The following RPS27A variants were observed in gnomAD, a reference collection of about 807,000 sequenced individuals.
RPS27A encodes the protein ribosomal protein S27a, also known as ubiquitin-ribosomal protein eS31 fusion protein.
In RPS27A, 1 loss-of-function variant was observed where a neutral mutation model predicts 18.9. The ratio of observed to expected loss-of-function variants is 0.05; its 90% CI spans 0.02 to 0.25. The LOEUF is 0.25. Among genes scored for constraint, RPS27A ranks in the 10% least tolerant of loss-of-function variants. The pLI, the probability that RPS27A is intolerant of heterozygous loss-of-function variation, is 1.00. For synonymous variants in RPS27A, 77 were observed against 63.7 expected (o/e 1.21, Z -0.99); for missense variants, 123 against 187.4 (o/e 0.66, Z 2.01).
chr2:55,232,534 A>G (rs115477709), upstream of RPS27A: 1,406 of 523,494 alleles, frequency 2.7e-3, 22 homozygotes, highest in African/African-American at 0.025. Flanking sequence ...AAATAAGCCC[A>G]GGCTAGGGAG....
chr2:55,235,744 T>A lies in RPS27A; in HGVS notation c.*167T>A, dbSNP rs1675759908. On this transcript the variant is annotated 3_prime_UTR_variant, in exon 6 of 6. Coordinates refer to ENST00000272317, the MANE Select transcript of RPS27A (RefSeq NM_002954.6). ...TCTGGGGATTATGTGACCCAGTGGT[T>A]CTGTATACCTGCCAGGTGCCAACCA... The A allele has an allele frequency of 1.3e-6, 1 of 762,706 alleles. No homozygotes were observed. The highest frequency in any genetic ancestry group is 2.2e-6 in the Non-Finnish European group (1 of 458,764). The allele number at this position is 762,706 out of a possible 1,614,324, so 47.2% of individuals were successfully genotyped here. A position where few individuals can be genotyped will look rare whatever the true frequency, so the allele number is the denominator to read the frequency against.
chr2:55,232,895 G>A (rs1224169955), intron 2 of RPS27A, 23 bp downstream of exon 2: 2 of 1,603,696 alleles, frequency 1.2e-6, no homozygotes, highest in Non-Finnish European at 1.7e-6. Context: ...TGGTCATGAG[G>A]AAGCCAAGGT....
rs1361988829 is a variant in RPS27A at position 55,234,957 on chromosome 2, T to C, written c.316T>C (p.Tyr106His). The C allele has an allele frequency of 6.2e-7, 1 of 1,613,092 alleles. No homozygotes were observed. The highest frequency in any genetic ancestry group is 2.2e-5 in the East Asian group (1 of 44,846). Residue 106 changes from tyrosine (Y) to histidine (H), a missense_variant, in exon 5 of 6, where the codon TAT becomes CAT. Physicochemically the swap from Tyr to His is moderately conservative, Grantham distance 83. Coordinates refer to ENST00000272317, the MANE Select transcript of RPS27A (RefSeq NM_002954.6). ...GGTTAAGCTGGCTGTCCTGAAATAT[T>C]ATAAGGTGAGCCAGTTAAAGGGCAG... The part of the protein sequence containing the change: ...KKVKLAVLKY[Y>H]KVDENGKISR...
At chr2:55,233,627 CACTT>C in intron 3 of RPS27A, 1 of 583,926 alleles carries the variant, frequency 1.7e-6, no homozygotes, top group Non-Finnish European at 3.1e-6. Context: ...TGAATTTGGA[CACTT>C]ATTTATTTAT....
intron 1 of RPS27A, 47 bp from the exon 2 acceptor site, chr2:55,232,761 C>G (rs1675536437): frequency 6.8e-7 from 1 of 1,475,882 alleles, no homozygotes; most frequent in Admixed American, 1.8e-5. Flanking sequence ...GGTGCCTTCT[C>G]TTGTGATCCC....
Position 55,235,656 on chromosome 2 carries a change from C to A in RPS27A, c.*79C>A. On this transcript the variant is annotated 3_prime_UTR_variant, in exon 6 of 6. Coordinates refer to ENST00000272317, the MANE Select transcript of RPS27A (RefSeq NM_002954.6). ...AGTAAAAAGAATGGTTTTTAAGCAC[C>A]AAATTGATGGTCACACCATTTCCTT... 1.4e-6 allele frequency: 2 copies of A among 1,465,440 alleles called. No homozygotes were observed. The highest frequency in any genetic ancestry group is 1.1e-5 in the South Asian group (1 of 88,002). 90.8% of individuals were successfully genotyped at this position (1,465,440 alleles called of 1,614,324 possible).
At chr2:55,232,647 G>T (rs1045247888), upstream of RPS27A, 22 of 691,642 alleles carry the variant, frequency 3.2e-5, no homozygotes, top group Non-Finnish European at 5.8e-5. Flanking sequence ...GTCCTTCGGC[G>T]GGAGCTCCGG....
At chr2:55,234,326 AC>A (rs1675683578) in intron 4 of RPS27A, 122 bp downstream of exon 4, 1 of 735,494 alleles carries the variant, frequency 1.4e-6, no homozygotes, top group Admixed American at 2.1e-5. Context: ...TGGCGCAGTC[AC>A]TGCAACCTCC....
At position 55,235,837 on chromosome 2, in the gene RPS27A, A is replaced by T. The variant is rs1675765398; in HGVS notation, c.*260A>T. The T allele has an allele frequency of 2.0e-6, 1 of 504,968 alleles. No homozygotes were observed. Among genetic ancestry groups the T allele is most frequent in the Non-Finnish European group, 3.6e-6 (1 of 278,534 alleles). 31.3% of individuals were successfully genotyped at this position (504,968 alleles called of 1,614,324 possible). A position where few individuals can be genotyped will look rare whatever the true frequency, so the allele number is the denominator to read the frequency against. Reference sequence around the variant, plus strand: ...CTTTGGCAGAAGTTATATTTAATGTAAGTTGTCTAAATATAAGCCAGTTTG... The same window carrying T: ...CTTTGGCAGAAGTTATATTTAATGTTAGTTGTCTAAATATAAGCCAGTTTG... On this transcript the variant is annotated 3_prime_UTR_variant, in exon 6 of 6. Coordinates refer to ENST00000272317, the MANE Select transcript of RPS27A (RefSeq NM_002954.6).
intron 3 of RPS27A, 154 bp downstream of exon 3, chr2:55,233,571 G>C: frequency 1.5e-6 from 1 of 684,546 alleles, no homozygotes; most frequent in Non-Finnish European, 2.7e-6. Context: ...GGTGATCGGG[G>C]AGCACAGTAC....
Position 55,234,911 on chromosome 2 carries a change from G to T in RPS27A, c.270G>T (p.Lys90Asn). 6.2e-7 allele frequency: 1 copy of T among 1,613,332 alleles called. No individual in the cohort carries two copies. Among genetic ancestry groups the T allele is most frequent in the East Asian group, 2.2e-5 (1 of 44,858 alleles). The stretch of plus-strand genomic sequence containing the variant: ...AGAAGTCTTACACCACTCCCAAGAA[G>T]AATAAGCACAAGAGAAAGAAGGTTA... ...RKKKSYTTPK[K>N]NKHKRKKVKL... The change falls in exon 5 of 6, where the codon AAG becomes AAT. Residue 90 changes from lysine (K) to asparagine (N), a missense_variant. Transcript: ENST00000272317.
chr2:55,234,260 TTTTA>T, intron 4 of RPS27A, 56 bp downstream of exon 4: 2 of 1,340,716 alleles, frequency 1.5e-6, no homozygotes, highest in Non-Finnish European at 2.1e-6. Flanking sequence ...TTTGGAAATT[TTTTA>T]TTTTACTTTT....
chr2:55,233,923 G>C (rs1675650546), intron 3 of RPS27A, 196 bp from the exon 4 acceptor site: 1 of 632,924 alleles, frequency 1.6e-6, no homozygotes, highest in Non-Finnish European at 2.9e-6. Flanking sequence ...AGCCACTGCA[G>C]ACAACCAAGT....
chr2:55,233,254 A>T, intron 2 of RPS27A, 109 bp from the exon 3 acceptor site: 1 of 920,294 alleles, frequency 1.1e-6, no homozygotes, highest in Non-Finnish European at 1.8e-6. Context: ...TCTCTCGAGT[A>T]GGTCTCAGCC....
At chr2:55,233,720 C>T (rs1675630012) in intron 3 of RPS27A, 3 of 478,310 alleles carry the variant, frequency 6.3e-6, no homozygotes, top group Non-Finnish European at 1.1e-5. Context: ...CCTCCGCCTC[C>T]CGGGTTCAAG....
At position 55,232,797 on chromosome 2, in the gene RPS27A, C is replaced by G. The variant is rs1675539795; in HGVS notation, c.-17-11C>G. 4.4e-6 allele frequency: 7 copies of G among 1,607,092 alleles called. No homozygotes were observed. The highest frequency in any genetic ancestry group is 6.0e-6 in the Non-Finnish European group (7 of 1,176,132). On this transcript the variant is annotated splice_polypyrimidine_tract_variant and intron_variant, in intron 1 of 5. Transcript: ENST00000272317. Reference sequence around the variant, plus strand: ...TGACCTAACCTGTCTCTTCCTTTTCCTCAACCTCAGGTGGAGCCGCCACCA... The same window carrying G: ...TGACCTAACCTGTCTCTTCCTTTTCGTCAACCTCAGGTGGAGCCGCCACCA...
At chr2:55,234,724 CAA>C (rs1675705294) in intron 4 of RPS27A, 105 bp from the exon 5 acceptor site, 1 of 1,325,586 alleles carries the variant, frequency 7.5e-7, no homozygotes, top group Non-Finnish European at 1.1e-6. Context: ...AAGATTCCCT[CAA>C]ATGTTATTGT....
chr2:55,234,007 CTTA>C lies in RPS27A; in HGVS notation c.104-109_104-107del. On this transcript the variant is annotated intron_variant, in intron 3 of 5. Transcript: ENST00000272317. Reference sequence around the variant, plus strand: ...AACCATGCCTAACCTCTAGTAAGGGCTTATTGTCAGCCTTTAGTATCATGTATT... The same window carrying C: ...AACCATGCCTAACCTCTAGTAAGGGCTTGTCAGCCTTTAGTATCATGTATT... The C allele has an allele frequency of 3.8e-6, 3 of 782,354 alleles. No individual in the cohort carries two copies. The Admixed American group carries it at 5.4e-5, about 14-fold the overall frequency. 48.5% of individuals were successfully genotyped at this position (782,354 alleles called of 1,614,324 possible).
chr2:55,233,632 A>G, intron 3 of RPS27A: 2 of 570,684 alleles, frequency 3.5e-6, no homozygotes, highest in South Asian at 3.9e-5. Flanking sequence ...TTGGACACTT[A>G]TTTATTTATT....
Sources: allele counts gnomAD v4.1 joint callset, GRCh38; gene constraint gnomAD v4.1.1; transcripts MANE v1.5; gene names NCBI Gene and HGNC (gene_info 2026-07-23, HGNC 2026-07-21).